Variants in SMG7 observed in about 807,000 individuals in gnomAD.
The protein encoded by SMG7 is nonsense-mediated mRNA decay factor SMG7.
Under a neutral mutation model 148.2 loss-of-function variants are expected in SMG7, and 34 were observed. That is an observed-to-expected ratio of 0.23 (90% CI 0.17 to 0.31). The LOEUF is 0.31. Among genes scored for constraint, SMG7 ranks in the 10% least tolerant of loss-of-function variants. The pLI is 1.00. For synonymous variants in SMG7, 492 were observed against 515.1 expected (o/e 0.96, Z 0.61); for missense variants, 1,114 against 1,408.4 (o/e 0.79, Z 3.35).
intron 4 of SMG7, among the ~76,000 whole-genome samples, chr1:183,521,072 CTT>C (rs762401861): frequency 3.2e-4 from 43 of 133,166 alleles, no homozygotes; most frequent in Middle Eastern, 3.9e-3. Flanking sequence ...TTTTCACTTG[CTT>C]TTTTTTTTTT....
intron 1 of SMG7, among the ~76,000 whole-genome samples, chr1:183,504,138 A>G (rs1660373682): frequency 6.6e-6 from 1 of 152,136 alleles, no homozygotes; most frequent in Non-Finnish European, 1.5e-5. Context: ...TTGTATTGAA[A>G]TTATGTACAT....
chr1:183,520,283 A>G (rs1413255788), intron 4 of SMG7, among the ~76,000 whole-genome samples: 1 of 152,070 alleles, frequency 6.6e-6, no homozygotes, highest in Non-Finnish European at 1.5e-5. Context: ...TTAAGTGAAA[A>G]TCATATAAAA....
intron 1 of SMG7, among the ~76,000 whole-genome samples, chr1:183,498,320 G>C (rs932028466): frequency 6.6e-6 from 1 of 152,102 alleles, no homozygotes; most frequent in Admixed American, 6.5e-5. Flanking sequence ...CTTGAGCCTA[G>C]GAGTTCAAGA....
chr1:183,486,823 G>A (rs970857415), intron 1 of SMG7, among the ~76,000 whole-genome samples: 4 of 152,172 alleles, frequency 2.6e-5, no homozygotes, highest in Admixed American at 6.5e-5. Context: ...TCAGCCTCCT[G>A]AGTAGCTAGG....
chr1:183,540,420 A>T (rs1440252857), intron 12 of SMG7, among the ~76,000 whole-genome samples: 5 of 141,490 alleles, frequency 3.5e-5, no homozygotes, highest in Admixed American at 7.0e-5. Flanking sequence ...AAATCTTCTT[A>T]AAAAAAAAAA....
intron 1 of SMG7, among the ~76,000 whole-genome samples, chr1:183,499,332 C>A (rs543558222): frequency 9.7e-4 from 148 of 152,264 alleles, no homozygotes; most frequent in Non-Finnish European, 1.6e-3. Flanking sequence ...GCTAAACTTC[C>A]AAAGTGACTG....
intron 1 of SMG7, among the ~76,000 whole-genome samples, chr1:183,500,724 C>G (rs1360268713): frequency 6.6e-6 from 1 of 151,992 alleles, no homozygotes; most frequent in Non-Finnish European, 1.5e-5. Flanking sequence ...ATGGGTTAAC[C>G]AAACAAGGAG....
chr1:183,478,540 A>G (rs1173380896), intron 1 of SMG7, among the ~76,000 whole-genome samples: 2 of 152,100 alleles, frequency 1.3e-5, no homozygotes, highest in Non-Finnish European at 2.9e-5. Flanking sequence ...TTTGCTTTCT[A>G]ACAGCTGTGG....
Position 183,518,173 on chromosome 1 carries a change from C to T in SMG7, c.312+353C>T, listed in dbSNP as rs560224553. Among the ~76,000 whole-genome samples, 116 of 152,144 alleles carry T rather than the reference C, an allele frequency of 7.6e-4. 1 individual carries two copies. The highest frequency in any genetic ancestry group is 2.7e-3 in the African/African-American group (112 of 41,514). ...ATGTTGCCCATGCTAGTCTTGAATTCCTGGGCTCAAGTGATCCGCCCACCT... is the reference window on the plus strand; with the variant it reads ...ATGTTGCCCATGCTAGTCTTGAATTTCTGGGCTCAAGTGATCCGCCCACCT... On this transcript the variant is annotated intron_variant, in intron 4 of 22. Transcript: ENST00000688051.
intron 4 of SMG7, among the ~76,000 whole-genome samples, chr1:183,524,600 T>C (rs1665447963): frequency 6.6e-6 from 1 of 152,190 alleles, no homozygotes; most frequent in African/African-American, 2.4e-5. Flanking sequence ...GTTGAGCCCT[T>C]AGGGTGTCTT....
intron 10 of SMG7, 130 bp from the exon 11 acceptor site, chr1:183,537,015 G>A (rs1321792000): frequency 1.6e-6 from 1 of 621,618 alleles, no homozygotes; most frequent in Non-Finnish European, 2.9e-6. Context: ...AAATTATACA[G>A]CCTTTGAAAT....
rs1424913924 is a variant in SMG7, at chr1:183,527,551, CTT to C, written c.485-403_485-402del. 2.2e-6 allele frequency: 1 copy of C among 453,054 alleles called. No homozygotes were observed. Among genetic ancestry groups the C allele is most frequent in the Non-Finnish European group, 4.6e-6 (1 of 217,716 alleles). 28.1% of individuals were successfully genotyped at this position (453,054 alleles called of 1,614,324 possible). A position where few individuals can be genotyped will look rare whatever the true frequency, so the allele number is the denominator to read the frequency against. On this transcript the variant is annotated intron_variant, in intron 5 of 22. Transcript: ENST00000688051. The surrounding 1 kb of genome is among the most constrained non-coding windows in gnomAD (Gnocchi z 4.0). ...AGGAATGAGACATTTTTCAAAATCACTTTATAAAATATTGAAAAATACATAAT... is the reference window on the plus strand; with the variant it reads ...AGGAATGAGACATTTTTCAAAATCACTATAAAATATTGAAAAATACATAAT...
chr1:183,541,126 A>G (rs769334740), intron 13 of SMG7, 23 bp downstream of exon 13: 3 of 1,608,428 alleles, frequency 1.9e-6, no homozygotes, highest in Non-Finnish European at 2.5e-6. Flanking sequence ...CTTCTGGTCT[A>G]CCCCTTTTTA....
chr1:183,539,465 T>C (rs1426748291), intron 12 of SMG7, among the ~76,000 whole-genome samples: 1 of 152,218 alleles, frequency 6.6e-6, no homozygotes, highest in Non-Finnish European at 1.5e-5. Context: ...TCTCACTTTG[T>C]ACATTCACCC....
At position 183,553,137 on chromosome 1, in the gene SMG7, C is replaced by T; in HGVS notation, c.*1206C>T. 1 of 1,536,346 alleles carries T rather than the reference C, an allele frequency of 6.5e-7. No homozygotes were observed. The highest frequency in any genetic ancestry group is 8.7e-7 in the Non-Finnish European group (1 of 1,146,946). ...AAATTCAAGGCAGCACGGACATGTGCCCATCAGGCACAGAAGAAAACACGA... is the reference window on the plus strand; with the variant it reads ...AAATTCAAGGCAGCACGGACATGTGTCCATCAGGCACAGAAGAAAACACGA... On this transcript the variant is annotated 3_prime_UTR_variant, in exon 23 of 23. Coordinates refer to ENST00000688051, the MANE Select transcript of SMG7 (RefSeq NM_001375584.1).
chr1:183,552,436 T>G lies in SMG7; in HGVS notation c.*505T>G. 1 of 991,750 alleles carries G rather than the reference T, an allele frequency of 1.0e-6. No homozygotes were observed. Among genetic ancestry groups the G allele is most frequent in the Non-Finnish European group, 1.2e-6 (1 of 833,534 alleles). The allele number at this position is 991,750 out of a possible 1,614,324, so 61.4% of individuals were successfully genotyped here. On this transcript the variant is annotated 3_prime_UTR_variant, in exon 23 of 23. Transcript: ENST00000688051. The stretch of plus-strand genomic sequence containing the variant: ...GTAGTAAAATATCACACTGAATTCT[T>G]CCATACACAGGTGTGCTTCTAGTCA...
At chr1:183,472,685 C>T in intron 1 of SMG7, 36 bp downstream of exon 1, 3 of 1,449,910 alleles carry the variant, frequency 2.1e-6, no homozygotes, top group Non-Finnish European at 1.8e-6. Flanking sequence ...GTAGGGGGAG[C>T]GGGCCGCAGG....
intron 14 of SMG7, among the ~76,000 whole-genome samples, chr1:183,542,947 G>C (rs1307146062): frequency 6.7e-6 from 1 of 150,208 alleles, no homozygotes; most frequent in Non-Finnish European, 1.5e-5. Flanking sequence ...GTGTGTGTGT[G>C]TGTGTGTGTG....
At chr1:183,490,252 G>A (rs913430457) in intron 1 of SMG7, among the ~76,000 whole-genome samples, 2 of 152,158 alleles carry the variant, frequency 1.3e-5, no homozygotes, top group African/African-American at 4.8e-5. Flanking sequence ...TATATATATT[G>A]TCTTTTCATA....
Sources: gnomAD v4.1 joint callset for allele counts (sites outside exome capture counted in the v4.1 genomes callset) on GRCh38, gnomAD v4.1.1 for gene constraint, Gnocchi (gnomAD v3.1) non-coding constraint, MANE v1.5 for transcripts, NCBI Gene and HGNC (gene_info 2026-07-23, HGNC 2026-07-21) for gene names.